Variants in IL1RAPL2 observed in about 807,000 individuals in gnomAD.
IL1RAPL2 encodes the protein X-linked interleukin-1 receptor accessory protein-like 2.
A neutral mutation model predicts 44.1 loss-of-function variants in IL1RAPL2; 3 were observed. The observed-to-expected ratio is 0.07, with a 90% CI of 0.03 to 0.18. The LOEUF (loss-of-function observed/expected upper bound fraction) is 0.18. IL1RAPL2 is among the 10% of genes least tolerant of loss of function. IL1RAPL2 has a pLI of 1.00. For missense variants in IL1RAPL2, 391 were observed against 496.4 expected (o/e 0.79, Z 2.02); for synonymous variants, 181 against 178.8 (o/e 1.01, Z -0.10).
intron 5 of IL1RAPL2, among the ~76,000 whole-genome samples, chrX:105,360,098 A>G (rs770301850): frequency 9.0e-6 from 1 of 110,916 alleles, no homozygotes; most frequent in South Asian, 3.9e-4. Context: ...TGCTATTACT[A>G]TACTTAACTA....
At chrX:104,829,270 A>G (rs1921545550) in intron 2 of IL1RAPL2, among the ~76,000 whole-genome samples, 1 of 112,058 alleles carries the variant, frequency 8.9e-6, no homozygotes, top group Non-Finnish European at 1.9e-5. Flanking sequence ...TAGGCACCCA[A>G]GGGAATCTCC....
At chrX:104,810,341 C>G (rs1400471633) in intron 2 of IL1RAPL2, among the ~76,000 whole-genome samples, 1 of 110,430 alleles carries the variant, frequency 9.1e-6, no homozygotes, top group Non-Finnish European at 1.9e-5. Flanking sequence ...GTGCAGCACA[C>G]CAGCATGTCA....
intron 5 of IL1RAPL2, among the ~76,000 whole-genome samples, chrX:105,316,472 A>G (rs1438528077): frequency 9.0e-6 from 1 of 111,381 alleles, no homozygotes; most frequent in Admixed American, 9.6e-5. Context: ...CATTGCAAAA[A>G]CAGTTATTGA....
chrX:105,379,526 A>G (rs935809052), intron 5 of IL1RAPL2, among the ~76,000 whole-genome samples: 10 of 111,767 alleles, frequency 8.9e-5, no homozygotes, highest in Non-Finnish European at 1.1e-4. Context: ...ACTATCCCTT[A>G]CATTTGTATA....
chrX:105,072,453 A>G (rs929531542), intron 2 of IL1RAPL2, among the ~76,000 whole-genome samples: 4 of 110,959 alleles, frequency 3.6e-5, no homozygotes, highest in African/African-American at 1.3e-4. Flanking sequence ...GCAGAGTTGG[A>G]ACAGTTTGGA....
At chrX:105,749,366 T>C (rs1181376066) in intron 9 of IL1RAPL2, among the ~76,000 whole-genome samples, 1 of 112,300 alleles carries the variant, frequency 8.9e-6, no homozygotes, top group Non-Finnish European at 1.9e-5. Context: ...TACATTTGAC[T>C]TTATTTCCAA....
At chrX:104,965,968 A>C (rs1412893603) in intron 2 of IL1RAPL2, among the ~76,000 whole-genome samples, 1 of 111,137 alleles carries the variant, frequency 9.0e-6, no homozygotes, top group African/African-American at 3.3e-5. Context: ...AAAAAGTAAG[A>C]TTAGGAGAGA....
intron 10 of IL1RAPL2, among the ~76,000 whole-genome samples, chrX:105,761,478 T>C (rs1236302455): frequency 8.9e-6 from 1 of 111,938 alleles, no homozygotes; most frequent in Non-Finnish European, 1.9e-5. Context: ...TGTAAGCCTC[T>C]AGTTATAGCA....
chrX:105,675,250 G>A (rs1344061981), intron 6 of IL1RAPL2, among the ~76,000 whole-genome samples: 1 of 111,296 alleles, frequency 9.0e-6, no homozygotes, highest in African/African-American at 3.3e-5. Flanking sequence ...GTTTTCAAGA[G>A]GAATGTTTCC....
chrX:104,900,778 A>AT (rs1204946368), intron 2 of IL1RAPL2, among the ~76,000 whole-genome samples: 1 of 112,035 alleles, frequency 8.9e-6, no homozygotes, highest in Non-Finnish European at 1.9e-5. Context: ...GAAAAAGCAA[A>AT]TTAGGTGGCC....
intron 4 of IL1RAPL2, among the ~76,000 whole-genome samples, chrX:105,237,275 T>A (rs1350917996): frequency 3.6e-5 from 4 of 112,107 alleles, no homozygotes; most frequent in African/African-American, 1.3e-4. Flanking sequence ...CCAGGTCTTT[T>A]CTATTGTGAA....
At chrX:104,886,307 TGAG>T (rs1435120332) in intron 2 of IL1RAPL2, among the ~76,000 whole-genome samples, 2 of 111,745 alleles carry the variant, frequency 1.8e-5, no homozygotes, top group Non-Finnish European at 3.8e-5. Context: ...GTCCCCTACT[TGAG>T]GAGGGAATCA....
intron 6 of IL1RAPL2, among the ~76,000 whole-genome samples, chrX:105,609,904 CTAATT>C (rs763373061): frequency 8.9e-6 from 1 of 112,028 alleles, no homozygotes; most frequent in African/African-American, 3.2e-5. Context: ...AGATAACAGT[CTAATT>C]TATTGCAGTA....
chrX:104,620,548 G>C (rs1929370017), intron 1 of IL1RAPL2, among the ~76,000 whole-genome samples: 1 of 98,567 alleles, frequency 1.0e-5, no homozygotes, highest in Non-Finnish European at 2.0e-5. Flanking sequence ...GCTGAGGCAG[G>C]AGAATGGTGT....
chrX:104,874,463 T>C (rs1477376519), intron 2 of IL1RAPL2, among the ~76,000 whole-genome samples: 1 of 109,682 alleles, frequency 9.1e-6, no homozygotes, highest in African/African-American at 3.3e-5. Flanking sequence ...GCTCGTCCTC[T>C]ACCCACAATC....
intron 2 of IL1RAPL2, among the ~76,000 whole-genome samples, chrX:104,941,921 T>C (rs894457345): frequency 8.9e-6 from 1 of 111,902 alleles, no homozygotes; most frequent in African/African-American, 3.3e-5. Flanking sequence ...TACATATGGC[T>C]AGCCAGTTTT....
At chrX:104,916,897 C>A (rs1022572310) in intron 2 of IL1RAPL2, among the ~76,000 whole-genome samples, 1 of 111,524 alleles carries the variant, frequency 9.0e-6, no homozygotes. Flanking sequence ...ATTGAACCAG[C>A]CTTGCATCCC....
intron 5 of IL1RAPL2, among the ~76,000 whole-genome samples, chrX:105,268,026 C>G (rs1277597286): frequency 3.6e-5 from 4 of 111,450 alleles, no homozygotes; most frequent in African/African-American, 6.5e-5. Context: ...TAGAGCAACT[C>G]CAAATGAAGA....
intron 2 of IL1RAPL2, among the ~76,000 whole-genome samples, chrX:105,072,058 C>T (rs1022240280): frequency 9.0e-6 from 1 of 111,289 alleles, no homozygotes; most frequent in African/African-American, 3.3e-5. Context: ...TCCCATTATG[C>T]CCATATGTCA....
Sources: allele counts gnomAD v4.1 joint callset (sites outside exome capture counted in the v4.1 genomes callset), GRCh38; gene constraint gnomAD v4.1.1; transcripts MANE v1.5; gene names NCBI Gene and HGNC (gene_info 2026-07-23, HGNC 2026-07-21).